Variants in FAM114A1 observed in about 807,000 individuals in gnomAD.
The protein encoded by FAM114A1 is protein NOXP20.
FAM114A1 carries 62 observed loss-of-function variants against 64.3 expected under a neutral mutation model. The observed-to-expected ratio is 0.96, with a 90% CI of 0.79 to 1.19. FAM114A1 has a LOEUF of 1.19. FAM114A1 is among the 50% of genes most tolerant of loss of function. The pLI is 0.00. For missense variants in FAM114A1, 645 were observed against 676.3 expected (o/e 0.95, Z 0.51); for synonymous variants, 254 against 251.1 (o/e 1.01, Z -0.11).
intron 4 of FAM114A1, among the ~76,000 whole-genome samples, chr4:38,896,426 G>A (rs1405327724): frequency 6.6e-6 from 1 of 152,210 alleles, no homozygotes; most frequent in Non-Finnish European, 1.5e-5. Flanking sequence ...AAGTGTCTTT[G>A]TAGACCTGTA....
chr4:38,882,834 C>T (rs560632798), intron 3 of FAM114A1, among the ~76,000 whole-genome samples: 28 of 152,310 alleles, frequency 1.8e-4, no homozygotes, highest in Admixed American at 6.5e-4. Context: ...CTCACATTTG[C>T]CTCAGGCAGC....
chr4:38,933,283 A>G (rs1720814213), intron 12 of FAM114A1, among the ~76,000 whole-genome samples: 1 of 152,236 alleles, frequency 6.6e-6, no homozygotes, highest in African/African-American at 2.4e-5. Flanking sequence ...GAAAGTACTT[A>G]TTTAATAGAT....
chr4:38,884,970 T>C (rs1157843579), intron 3 of FAM114A1, among the ~76,000 whole-genome samples: 1 of 152,116 alleles, frequency 6.6e-6, no homozygotes, highest in Non-Finnish European at 1.5e-5. Flanking sequence ...TTAAAAATTT[T>C]TATTTATATT....
chr4:38,908,807 T>C, intron 7 of FAM114A1, 81 bp downstream of exon 7: 1 of 1,326,144 alleles, frequency 7.5e-7, no homozygotes, highest in South Asian at 1.8e-5. Context: ...GAATAGCTCA[T>C]TTAAAGCATG....
At chr4:38,872,197 G>A (rs1195537726) in intron 2 of FAM114A1, among the ~76,000 whole-genome samples, 1 of 152,188 alleles carries the variant, frequency 6.6e-6, no homozygotes, top group East Asian at 1.9e-4. Context: ...GGATTTTTAA[G>A]TGCTTACTAA....
intron 8 of FAM114A1, among the ~76,000 whole-genome samples, chr4:38,921,349 C>T (rs770404494): frequency 3.3e-5 from 5 of 152,130 alleles, no homozygotes; most frequent in Non-Finnish European, 7.4e-5. Flanking sequence ...CCTCAAACTC[C>T]TGGGCTCAAG....
intron 4 of FAM114A1, among the ~76,000 whole-genome samples, chr4:38,895,866 A>G (rs1716881803): frequency 6.6e-6 from 1 of 152,212 alleles, no homozygotes; most frequent in African/African-American, 2.4e-5. Context: ...ACACATCTAA[A>G]CATAGAAAAG....
intron 12 of FAM114A1, among the ~76,000 whole-genome samples, chr4:38,934,919 T>C (rs188778845): frequency 0.013 from 1,745 of 134,188 alleles, 29 homozygotes; most frequent in African/African-American, 0.051. Context: ...ACTTTCTTAC[T>C]TTTTTTTTTT....
chr4:38,917,219 T>C (rs1402519438), intron 8 of FAM114A1, among the ~76,000 whole-genome samples: 1 of 151,752 alleles, frequency 6.6e-6, no homozygotes, highest in Non-Finnish European at 1.5e-5. Flanking sequence ...GTGCCTGTAA[T>C]ACCAGCTACT....
chr4:38,923,760 C>A (rs1450994504), intron 9 of FAM114A1, among the ~76,000 whole-genome samples: 2 of 152,152 alleles, frequency 1.3e-5, no homozygotes, highest in African/African-American at 4.8e-5. Context: ...GGTTGGCAAC[C>A]ACACTTCCCA....
At chr4:38,884,197 C>T (rs1038177209) in intron 3 of FAM114A1, among the ~76,000 whole-genome samples, 16 of 152,216 alleles carry the variant, frequency 1.1e-4, no homozygotes, top group African/African-American at 3.6e-4. Context: ...CTGTGTTGCC[C>T]AGGCAGGTCT....
At chr4:38,917,955 G>T (rs1057006429) in intron 8 of FAM114A1, among the ~76,000 whole-genome samples, 1 of 151,844 alleles carries the variant, frequency 6.6e-6, no homozygotes, top group South Asian at 2.1e-4. Context: ...GGTGACTCAC[G>T]CCTGTAATCC....
Position 38,878,324 on chromosome 4 carries a change from C to G in FAM114A1, c.246C>G (p.Leu82=), listed in dbSNP as rs191987732. The change falls in exon 3 of 15, where the codon CTC becomes CTG. Residue 82 remains leucine (L), a synonymous_variant. Coordinates refer to ENST00000358869, the MANE Select transcript of FAM114A1 (RefSeq NM_138389.4). ...ATGCCAACGCCCTGGAGCCCCCTCT[C>G]AATGGAGACGTGACTGAGGATACAC... ...PQDANALEPP[L]NGDVTEDTLA... The G allele has an allele frequency of 1.9e-5, 31 of 1,614,250 alleles. No homozygotes were observed. Among genetic ancestry groups the G allele is most frequent in the Middle Eastern group, 3.3e-4 (2 of 6,062 alleles).
intron 2 of FAM114A1, among the ~76,000 whole-genome samples, chr4:38,872,088 A>G (rs1714130992): frequency 6.6e-6 from 1 of 152,192 alleles, no homozygotes; most frequent in African/African-American, 2.4e-5. Context: ...CCAGTGAAAA[A>G]TTATTTCTCA....
intron 4 of FAM114A1, among the ~76,000 whole-genome samples, chr4:38,894,197 T>C (rs187738713): frequency 1.4e-5 from 2 of 144,974 alleles, no homozygotes; most frequent in East Asian, 4.0e-4. Flanking sequence ...AAGCAGGGTG[T>C]GATTTTTCAC....
intron 4 of FAM114A1, among the ~76,000 whole-genome samples, chr4:38,898,416 A>G (rs1235273449): frequency 1.3e-5 from 2 of 152,204 alleles, no homozygotes; most frequent in Non-Finnish European, 2.9e-5. Context: ...GAGAATGGCA[A>G]ACTTGTCAAA....
chr4:38,877,769 A>G (rs2109541502), intron 2 of FAM114A1, among the ~76,000 whole-genome samples: 1 of 152,302 alleles, frequency 6.6e-6, no homozygotes, highest in African/African-American at 2.4e-5. Context: ...GTTCGAGACC[A>G]GCCTGACCAA....
intron 8 of FAM114A1, among the ~76,000 whole-genome samples, chr4:38,920,480 G>A (rs1719483484): frequency 6.6e-6 from 1 of 152,160 alleles, no homozygotes; most frequent in African/African-American, 2.4e-5. Context: ...TTGGCATAAT[G>A]CAATGAGCTA....
At chr4:38,936,873 A>G (rs980627533) in intron 13 of FAM114A1, among the ~76,000 whole-genome samples, 7 of 152,170 alleles carry the variant, frequency 4.6e-5, no homozygotes, top group African/African-American at 9.7e-5. Context: ...TCTTTGCTTC[A>G]TTGTGGCACT....
Sources: allele counts gnomAD v4.1 joint callset (sites outside exome capture counted in the v4.1 genomes callset), GRCh38; gene constraint gnomAD v4.1.1; transcripts MANE v1.5; gene names NCBI Gene and HGNC (gene_info 2026-07-23, HGNC 2026-07-21).